The following CATSPERE variants were observed in gnomAD, a reference collection of about 807,000 sequenced individuals.
CATSPERE encodes the protein cation channel sperm-associated auxiliary subunit epsilon.
In CATSPERE, 93 loss-of-function variants were observed where a neutral mutation model predicts 114.1. The ratio of observed to expected loss-of-function variants is 0.81; its 90% CI spans 0.69 to 0.97. The LOEUF is 0.97. CATSPERE is among the 50% of genes least tolerant of loss of function. The pLI is 0.00. For synonymous variants in CATSPERE, 341 were observed against 384.1 expected, an observed-to-expected ratio of 0.89 and a Z score of 1.31; for missense variants, 1,058 against 1,131.6, an observed-to-expected ratio of 0.93 and a Z score of 0.93.
At chr1:244,526,243 T>C (rs1021304670) in intron 8 of CATSPERE, among the ~76,000 whole-genome samples, 1 of 152,010 alleles carries the variant, frequency 6.6e-6, no homozygotes, top group Non-Finnish European at 1.5e-5. Context: ...CCTGCCTCTA[T>C]GCACAAAATA....
In CATSPERE at chr1:244,572,446, A is replaced by AT. The variant is rs760282486; in HGVS notation, c.1628dup (p.Ser545LysfsTer14). The AT allele has an allele frequency of 1.2e-6, 2 of 1,613,390 alleles. No individual in the cohort carries two copies. The highest frequency in any genetic ancestry group is 1.7e-6 in the Non-Finnish European group (2 of 1,179,320). ...GACAAATTACACAACAAGAGCATTC[A>AT]TTTTCTTAAGTACATCTGGTCAAAC... On this transcript the variant is annotated frameshift_variant, in exon 11 of 22. Coordinates refer to ENST00000366534, the MANE Select transcript of CATSPERE (RefSeq NM_001130957.2). LOFTEE classifies it high-confidence loss of function.
chr1:244,566,652 CTTTTTTTTTTTTTTTT>C (rs59466928), intron 10 of CATSPERE, among the ~76,000 whole-genome samples: 1,164 of 49,002 alleles, frequency 0.024, 12 homozygotes, highest in South Asian at 0.058. Flanking sequence ...GCAACCCCTG[CTTTTTTTTTTTTTTTT>C]TTTTTTTTTT....
intron 9 of CATSPERE, among the ~76,000 whole-genome samples, chr1:244,556,791 C>G: frequency 6.6e-6 from 1 of 151,772 alleles, no homozygotes; most frequent in East Asian, 1.9e-4. Flanking sequence ...ACTGTTAGAA[C>G]TAACAAATAA....
Position 244,463,931 on chromosome 1 carries a change from A to G in CATSPERE, c.89A>G (p.Tyr30Cys). Residue 30 changes from tyrosine to cysteine, a missense_variant, in exon 2 of 22, where the codon TAT becomes TGT. This residue lies in a region of CATSPERE where 271 missense variants were observed against 225.9 expected (regional missense o/e 1.20). Transcript: ENST00000366534. Reference sequence around the variant, plus strand: ...AGGTATTCCACTAACAGCCCAAACTATCGCATTTTTAGTACCAGAAGTACT... The same window carrying G: ...AGGTATTCCACTAACAGCCCAAACTGTCGCATTTTTAGTACCAGAAGTACT... ...LWRYSTNSPNYRIFSTRSTIK... is the reference protein window; with the variant it reads ...LWRYSTNSPNCRIFSTRSTIK... The G allele has an allele frequency of 1.9e-6, 3 of 1,602,864 alleles. No individual in the cohort carries two copies. Among genetic ancestry groups the G allele is most frequent in the Non-Finnish European group, 2.6e-6 (3 of 1,170,040 alleles).
chr1:244,482,585 G>C (rs538132104), intron 5 of CATSPERE, among the ~76,000 whole-genome samples: 3 of 152,194 alleles, frequency 2.0e-5, no homozygotes, highest in East Asian at 1.9e-4. Context: ...CTCCATGACA[G>C]AGTGAGACCC....
At chr1:244,612,044 G>A (rs1433490409) in intron 19 of CATSPERE, among the ~76,000 whole-genome samples, 1 of 152,142 alleles carries the variant, frequency 6.6e-6, no homozygotes, top group Non-Finnish European at 1.5e-5. Flanking sequence ...GCGTTTCAGA[G>A]CAATTGAAAT....
chr1:244,521,481 A>G (rs1289525017), intron 8 of CATSPERE, among the ~76,000 whole-genome samples: 1 of 152,216 alleles, frequency 6.6e-6, no homozygotes, highest in African/African-American at 2.4e-5. Flanking sequence ...TTATTACATT[A>G]ATAGCTTAAA....
intron 9 of CATSPERE, among the ~76,000 whole-genome samples, chr1:244,553,418 GGGT>G: frequency 2.6e-5 from 4 of 151,290 alleles, no homozygotes; most frequent in Non-Finnish European, 5.9e-5. Flanking sequence ...GCGCAGTGGT[GGGT>G]GCCTGTAGGT....
intron 9 of CATSPERE, among the ~76,000 whole-genome samples, chr1:244,560,116 C>T (rs1662319884): frequency 6.6e-6 from 1 of 152,086 alleles, no homozygotes; most frequent in African/African-American, 2.4e-5. Flanking sequence ...CCTCAGCCTC[C>T]CAAATAGCTG....
chr1:244,628,087 G>A (rs774602214), intron 20 of CATSPERE, among the ~76,000 whole-genome samples: 4 of 152,326 alleles, frequency 2.6e-5, no homozygotes, highest in South Asian at 4.1e-4. Flanking sequence ...GCCACAAAGT[G>A]CAAAAGTAGT....
intron 8 of CATSPERE, among the ~76,000 whole-genome samples, chr1:244,544,370 G>T (rs1458597309): frequency 2.6e-5 from 4 of 152,142 alleles, no homozygotes; most frequent in Non-Finnish European, 5.9e-5. Context: ...TCAGAATGCG[G>T]GCTTATGGAG....
intron 8 of CATSPERE, among the ~76,000 whole-genome samples, chr1:244,542,238 A>T (rs1295540990): frequency 1.3e-5 from 2 of 151,888 alleles, no homozygotes; most frequent in African/African-American, 4.8e-5. Context: ...AGGCAAGTGT[A>T]GGTCAGCATT....
At chr1:244,605,960 A>C (rs1218570182) in intron 18 of CATSPERE, among the ~76,000 whole-genome samples, 166 bp downstream of exon 18, 1 of 152,238 alleles carries the variant, frequency 6.6e-6, no homozygotes, top group African/African-American at 2.4e-5. Context: ...TCATTTATGA[A>C]AAATAGAAGT....
upstream of CATSPERE, chr1:244,452,076 A>C: frequency 1.6e-5 from 5 of 311,100 alleles, no homozygotes; most frequent in East Asian, 5.1e-5. Context: ...GGTGGCGGCA[A>C]CGGCCGCCAC....
chr1:244,539,954 T>G (rs1454861537), intron 8 of CATSPERE, among the ~76,000 whole-genome samples: 3 of 146,922 alleles, frequency 2.0e-5, no homozygotes, highest in Non-Finnish European at 3.0e-5. Context: ...TTTTGAATGG[T>G]TTTTTGTGTC....
At position 244,534,652 on chromosome 1, in the gene CATSPERE, G is replaced by A. The variant is rs990432014; in HGVS notation, c.536+15954G>A. Among the ~76,000 whole-genome samples the A allele has an allele frequency of 7.9e-5, 12 of 151,974 alleles. 1 individual carries two copies. Among genetic ancestry groups the A allele is most frequent in the South Asian group, 2.1e-4 (1 of 4,800 alleles). ...TCTCTTTTTTTAATTTATCTGATAG[G>A]ATCCTGAATTCCTTCTCTGTGTTAT... is the stretch of plus-strand genomic sequence containing the variant. On this transcript the variant is annotated intron_variant, in intron 8 of 21. Transcript: ENST00000366534.
In CATSPERE at chr1:244,505,937, C is replaced by T. The variant is rs574839981; in HGVS notation, c.429+6858C>T. On this transcript the variant is annotated intron_variant, in intron 7 of 21. Transcript: ENST00000366534. ...AGGAGAATCACTTGAACCCGGGAGG[C>T]GGAGGTTGCAGTAAACCGAGATCAC... Among the ~76,000 whole-genome samples the T allele has an allele frequency of 7.8e-4, 119 of 152,090 alleles. 1 individual carries two copies. Among genetic ancestry groups the T allele is most frequent in the South Asian group, 4.4e-3 (21 of 4,826 alleles).
intron 8 of CATSPERE, among the ~76,000 whole-genome samples, chr1:244,533,324 T>G (rs966828504): frequency 6.6e-6 from 1 of 152,156 alleles, no homozygotes; most frequent in Non-Finnish European, 1.5e-5. Flanking sequence ...ACTGTATGTC[T>G]TTTGATTGGA....
intron 1 of CATSPERE, among the ~76,000 whole-genome samples, chr1:244,463,173 ATTTGT>A (rs760831941): frequency 2.0e-5 from 3 of 152,192 alleles, no homozygotes; most frequent in Middle Eastern, 3.2e-3. Context: ...TTTAAGTTTA[ATTTGT>A]TTAGTTTTAA....
Sources: gnomAD v4.1 joint callset for allele counts (sites outside exome capture counted in the v4.1 genomes callset) on GRCh38, gnomAD v4.1.1 for gene constraint, gnomAD v4.1.1 regional missense constraint, MANE v1.5 for transcripts, NCBI Gene and HGNC (gene_info 2026-07-23, HGNC 2026-07-21) for gene names.